LRRC7: variants seen among roughly 807,000 people sequenced by gnomAD.
The protein encoded by LRRC7 is leucine-rich repeat-containing protein 7.
A neutral mutation model predicts 175.7 loss-of-function variants in LRRC7; 23 were observed. The observed-to-expected ratio is 0.13, with a 90% CI of 0.09 to 0.19. LRRC7 has a LOEUF of 0.19. Among genes scored for constraint, LRRC7 ranks in the 10% least tolerant of loss-of-function variants. The pLI is 1.00. For synonymous variants in LRRC7, 685 were observed against 680.9 expected (o/e 1.01, Z -0.09); for missense variants, 1,354 against 1,904.7 (o/e 0.71, Z 5.38).
At chr1:69,877,272 C>T (rs1003139850) in intron 7 of LRRC7, among the ~76,000 whole-genome samples, 2 of 152,050 alleles carry the variant, frequency 1.3e-5, no homozygotes, top group Non-Finnish European at 2.9e-5. Flanking sequence ...ATTCAAACTC[C>T]TTGCTAAGCA....
intron 3 of LRRC7, among the ~76,000 whole-genome samples, chr1:69,779,058 A>G (rs1277827232): frequency 1.3e-5 from 2 of 151,968 alleles, no homozygotes; most frequent in East Asian, 3.9e-4. Flanking sequence ...AGATACATAC[A>G]CAAACCAGCT....
chr1:69,913,076 ATT>A (rs1646582048), intron 7 of LRRC7, among the ~76,000 whole-genome samples: 2 of 152,240 alleles, frequency 1.3e-5, no homozygotes, highest in African/African-American at 4.8e-5. Flanking sequence ...AGGAAAAAAT[ATT>A]TCCTAAGGAA....
chr1:69,905,374 A>G (rs909610217), intron 7 of LRRC7, among the ~76,000 whole-genome samples: 2 of 152,096 alleles, frequency 1.3e-5, no homozygotes, highest in Non-Finnish European at 2.9e-5. Flanking sequence ...GTCATTTAGC[A>G]TTAGGTATAT....
chr1:69,698,598 G>A (rs1662924558), intron 2 of LRRC7, among the ~76,000 whole-genome samples: 1 of 152,158 alleles, frequency 6.6e-6, no homozygotes, highest in Non-Finnish European at 1.5e-5. Flanking sequence ...CCTCACCCCT[G>A]CAACCAGGCT....
chr1:69,821,712 G>A (rs2101212975), intron 4 of LRRC7, among the ~76,000 whole-genome samples: 1 of 152,044 alleles, frequency 6.6e-6, no homozygotes, highest in African/African-American at 2.4e-5. Context: ...TGGCCAACCT[G>A]ATGAAACCCC....
chr1:69,797,116 T>G (rs76524251), intron 4 of LRRC7, among the ~76,000 whole-genome samples: 3,520 of 152,234 alleles, frequency 0.023, 134 homozygotes, highest in African/African-American at 0.079. Flanking sequence ...ATAGAGACAT[T>G]CTTTTAAAAA....
chr1:69,917,651 C>A (rs1227378082), intron 7 of LRRC7, among the ~76,000 whole-genome samples: 1 of 152,008 alleles, frequency 6.6e-6, no homozygotes. Flanking sequence ...AGATAGTCCC[C>A]CACAACAAAC....
intron 1 of LRRC7, among the ~76,000 whole-genome samples, chr1:69,654,481 G>A (rs930847254): frequency 2.0e-5 from 3 of 151,914 alleles, no homozygotes; most frequent in African/African-American, 7.2e-5. Flanking sequence ...TCCAAAATTA[G>A]AGTTGTGATA....
intron 7 of LRRC7, among the ~76,000 whole-genome samples, chr1:69,879,238 AC>A (rs1486281700): frequency 1.4e-5 from 2 of 140,030 alleles, no homozygotes; most frequent in African/African-American, 5.1e-5. Context: ...AAAAAAAAAG[AC>A]TGCGCACTGG....
intron 8 of LRRC7, among the ~76,000 whole-genome samples, chr1:69,974,358 G>A (rs1652596705): frequency 6.6e-6 from 1 of 152,078 alleles, no homozygotes; most frequent in African/African-American, 2.4e-5. Context: ...TAGGATAGTT[G>A]CTTAGAAGTA....
chr1:69,998,790 C>T (rs1309392236), intron 11 of LRRC7, among the ~76,000 whole-genome samples: 1 of 152,206 alleles, frequency 6.6e-6, no homozygotes, highest in East Asian at 1.9e-4. Context: ...TGACTTTGGT[C>T]ATCTTGAGAA....
intron 1 of LRRC7, among the ~76,000 whole-genome samples, chr1:69,606,033 T>C (rs1647500298): frequency 6.6e-6 from 1 of 152,182 alleles, no homozygotes; most frequent in Non-Finnish European, 1.5e-5. Flanking sequence ...TTTAAATGGA[T>C]AAACTACAGT....
At chr1:70,119,387 T>C (rs1033849804) in intron 26 of LRRC7, among the ~76,000 whole-genome samples, 1 of 152,176 alleles carries the variant, frequency 6.6e-6, no homozygotes, top group Non-Finnish European at 1.5e-5. Flanking sequence ...TATTTTTAGT[T>C]ACGTGCATGA....
intron 7 of LRRC7, among the ~76,000 whole-genome samples, chr1:69,903,355 C>G (rs1279242870): frequency 6.6e-6 from 1 of 152,176 alleles, no homozygotes; most frequent in Non-Finnish European, 1.5e-5. Flanking sequence ...GGCATCGCCT[C>G]ACCTGGGAAG....
At chr1:69,980,854 A>T (rs1653352052) in intron 9 of LRRC7, among the ~76,000 whole-genome samples, 1 of 152,154 alleles carries the variant, frequency 6.6e-6, no homozygotes, top group South Asian at 2.1e-4. Context: ...ATTTTGTTAG[A>T]GCTCTTCTAC....
intron 1 of LRRC7, among the ~76,000 whole-genome samples, chr1:69,627,548 T>C (rs1651797420): frequency 6.6e-6 from 1 of 152,208 alleles, no homozygotes; most frequent in African/African-American, 2.4e-5. Context: ...GATGGTAGTT[T>C]CTTTTGCTGT....
intron 1 of LRRC7, among the ~76,000 whole-genome samples, chr1:69,663,175 A>G (rs190959420): frequency 9.1e-4 from 139 of 151,960 alleles, no homozygotes; most frequent in Non-Finnish European, 1.5e-3. Flanking sequence ...TTTTCTTACC[A>G]TGAATTATTT....
intron 23 of LRRC7, among the ~76,000 whole-genome samples, chr1:70,070,003 T>C (rs1662262140): frequency 6.6e-6 from 1 of 152,138 alleles, no homozygotes. Context: ...AAATTTTATA[T>C]ATTTTTTATT....
In LRRC7 at chr1:70,080,947, C is replaced by T. The variant is rs565350988; in HGVS notation, c.4452+4649C>T. On this transcript the variant is annotated intron_variant, in intron 24 of 26. Coordinates refer to ENST00000651989, the MANE Select transcript of LRRC7 (RefSeq NM_001370785.2). Reference sequence around the variant, plus strand: ...TTGTGTCCCAGTGTAACTGAAGAAGCTTAAAGATCCCATCCACCTTATCCT... The same window carrying T: ...TTGTGTCCCAGTGTAACTGAAGAAGTTTAAAGATCCCATCCACCTTATCCT... Among the ~76,000 whole-genome samples the T allele has an allele frequency of 4.6e-5, 7 of 152,312 alleles. No individual in the cohort carries two copies. In the South Asian group the frequency reaches 1.0e-3, roughly 23 times the overall value.
Sources: allele counts gnomAD v4.1 joint callset (sites outside exome capture counted in the v4.1 genomes callset), GRCh38; gene constraint gnomAD v4.1.1; transcripts MANE v1.5; gene names NCBI Gene and HGNC (gene_info 2026-07-23, HGNC 2026-07-21).